Variants in FAM178B observed in about 807,000 individuals in gnomAD.
The protein encoded by FAM178B is protein FAM178B.
Under a neutral mutation model 91.7 loss-of-function variants are expected in FAM178B, and 82 were observed. The ratio of observed to expected loss-of-function variants is 0.89; its 90% CI spans 0.75 to 1.07. The LOEUF is 1.07. Among genes scored for constraint, FAM178B ranks in the 50% least tolerant of loss-of-function variants. FAM178B has a pLI of 0.00. For missense variants in FAM178B, 769 were observed against 846.7 expected, an observed-to-expected ratio of 0.91 and a Z score of 1.14; for synonymous variants, 368 against 359.4, an observed-to-expected ratio of 1.02 and a Z score of -0.27.
At chr2:96,947,402 T>G (rs1199277525) in intron 8 of FAM178B, among the ~76,000 whole-genome samples, 1 of 152,146 alleles carries the variant, frequency 6.6e-6, no homozygotes, top group Non-Finnish European at 1.5e-5. Context: ...ACTCTTCCCT[T>G]TGGTGACTCC....
In FAM178B at chr2:96,876,181, C is replaced by A; in HGVS notation, c.*95G>T. On this transcript the variant is annotated 3_prime_UTR_variant, in exon 17 of 17. Transcript: ENST00000490605. Reference sequence around the variant, plus strand: ...CTCATCAGGCTGGTCAGCATGTGGCCTCCTCTGGCCTTGATGCTTCGCTTC... The same window carrying A: ...CTCATCAGGCTGGTCAGCATGTGGCATCCTCTGGCCTTGATGCTTCGCTTC... 3 of 1,332,722 alleles carry A rather than the reference C, an allele frequency of 2.3e-6. No individual in the cohort carries two copies. Among genetic ancestry groups the A allele is most frequent in the Non-Finnish European group, 3.2e-6 (3 of 952,038 alleles). 82.6% of individuals were successfully genotyped at this position (1,332,722 alleles called of 1,614,324 possible).
rs143992132 is a variant in FAM178B, at chr2:96,906,305, G to A, written c.1563-3598C>T. Among the ~76,000 whole-genome samples the A allele has an allele frequency of 4.5e-3, 687 of 150,998 alleles. 3 individuals carry two copies. The highest frequency in any genetic ancestry group is 0.016 in the African/African-American group (668 of 41,080). On this transcript the variant is annotated intron_variant, in intron 12 of 16. Transcript: ENST00000490605. Reference sequence around the variant, plus strand: ...CAAGCTCCGCCTCCTGGGTTCAAGCGATTCTCCTGCCTCAGCCTCCCAAGT... The same window carrying A: ...CAAGCTCCGCCTCCTGGGTTCAAGCAATTCTCCTGCCTCAGCCTCCCAAGT...
intron 14 of FAM178B, among the ~76,000 whole-genome samples, chr2:96,879,549 G>A (rs2080328546): frequency 6.6e-6 from 1 of 152,218 alleles, no homozygotes. Flanking sequence ...ACCATCAACT[G>A]ACTTCTTAAA....
rs763393928 is a variant in FAM178B, at chr2:96,964,228, A to T, written c.734+3292T>A. Among the ~76,000 whole-genome samples the T allele has an allele frequency of 1.8e-3, 244 of 139,212 alleles. 2 individuals are homozygous for T. The highest frequency in any genetic ancestry group is 3.3e-3 in the South Asian group (15 of 4,612). 91.3% of individuals were successfully genotyped at this position (139,212 alleles called of 152,430 possible). A position where few individuals can be genotyped will look rare whatever the true frequency, so the allele number is the denominator to read the frequency against. ...ATCAGAAAAACTTCAAAAAAAAAAA[A>T]GGTAAATGGCCAGCCCAGGTGTGAC... is the stretch of plus-strand genomic sequence containing the variant. On this transcript the variant is annotated intron_variant, in intron 5 of 16. Coordinates refer to ENST00000490605, the MANE Select transcript of FAM178B (RefSeq NM_001122646.3).
intron 1 of FAM178B, among the ~76,000 whole-genome samples, chr2:96,972,878 C>T (rs972862120): frequency 6.6e-6 from 1 of 151,848 alleles, no homozygotes; most frequent in Non-Finnish European, 1.5e-5. Flanking sequence ...AGTGCAGCGG[C>T]GTGATCTTGG....
At chr2:96,960,526 G>T in intron 5 of FAM178B, 86 bp from the exon 6 acceptor site, 2 of 1,411,686 alleles carry the variant, frequency 1.4e-6, no homozygotes, top group Admixed American at 2.7e-5. Flanking sequence ...AAGGATAGAG[G>T]GGGGCCACGG....
chr2:96,981,929 A>G, intron 1 of FAM178B, among the ~76,000 whole-genome samples: 1 of 151,524 alleles, frequency 6.6e-6, no homozygotes, highest in East Asian at 1.9e-4. Flanking sequence ...TTAGCTGGGC[A>G]TGGTGGTGTG....
intron 9 of FAM178B, among the ~76,000 whole-genome samples, chr2:96,928,340 T>C (rs1294004764): frequency 1.3e-5 from 2 of 152,172 alleles, no homozygotes; most frequent in East Asian, 1.9e-4. Context: ...AAGATGACGA[T>C]ATATAACACT....
intron 7 of FAM178B, among the ~76,000 whole-genome samples, chr2:96,948,320 T>C (rs907220308): frequency 9.9e-5 from 15 of 152,122 alleles, no homozygotes; most frequent in African/African-American, 3.6e-4. Flanking sequence ...AATCACAGGG[T>C]GGGCCCTCTC....
chr2:96,986,562 G>C lies in FAM178B; in HGVS notation c.-249C>G. On this transcript the variant is annotated 5_prime_UTR_variant, in exon 1 of 17. Coordinates refer to ENST00000490605, the MANE Select transcript of FAM178B (RefSeq NM_001122646.3). ...ACAGCCGCCGCCGCCGCCAGCTGGG[G>C]AGCTCGCCGGCCAAGTGCGCACCCT... 1 of 501,760 alleles carries C rather than the reference G, an allele frequency of 2.0e-6. No individual in the cohort carries two copies. The highest frequency in any genetic ancestry group is 5.5e-4 in the Middle Eastern group (1 of 1,826). The allele number at this position is 501,760 out of a possible 1,614,324, so 31.1% of individuals were successfully genotyped here. A position where few individuals can be genotyped will look rare whatever the true frequency, so the allele number is the denominator to read the frequency against.
At chr2:96,914,972 G>A (rs1236572593) in intron 12 of FAM178B, among the ~76,000 whole-genome samples, 2 of 152,060 alleles carry the variant, frequency 1.3e-5, no homozygotes, top group African/African-American at 4.8e-5. Flanking sequence ...TCACAATGAT[G>A]TGGGGCAGGG....
chr2:96,926,115 C>A (rs2081433789), intron 9 of FAM178B, among the ~76,000 whole-genome samples: 1 of 152,144 alleles, frequency 6.6e-6, no homozygotes, highest in South Asian at 2.1e-4. Flanking sequence ...ACCAGCCTGG[C>A]CAACATGGTG....
At chr2:96,881,581 C>T (rs1386150871) in intron 14 of FAM178B, among the ~76,000 whole-genome samples, 1 of 152,064 alleles carries the variant, frequency 6.6e-6, no homozygotes, top group Admixed American at 6.5e-5. Flanking sequence ...AGAACTTCCC[C>T]TCCTAGAAGG....
At chr2:96,935,813 T>G (rs1285452468) in intron 8 of FAM178B, among the ~76,000 whole-genome samples, 1 of 151,016 alleles carries the variant, frequency 6.6e-6, no homozygotes, top group African/African-American at 2.5e-5. Flanking sequence ...TTTGTACTTT[T>G]TTAGTAGACA....
rs2081566612 is a variant in FAM178B at position 96,932,996 on chromosome 2, G to C, written c.1079-3676C>G. On this transcript the variant is annotated intron_variant, in intron 8 of 16. Coordinates refer to ENST00000490605, the MANE Select transcript of FAM178B (RefSeq NM_001122646.3). ...GTGGTGGCTCACGCCTGCAATCCCA[G>C]CACTTTGGGAGGCTCAGGCGGGCAG... Among the ~76,000 whole-genome samples the C allele has an allele frequency of 2.1e-5, 3 of 143,428 alleles. No individual in the cohort carries two copies. In the Admixed American group the frequency reaches 2.1e-4, roughly 10 times the overall value. 94.1% of individuals were successfully genotyped at this position (143,428 alleles called of 152,430 possible). A position where few individuals can be genotyped will look rare whatever the true frequency, so the allele number is the denominator to read the frequency against.
intron 8 of FAM178B, among the ~76,000 whole-genome samples, chr2:96,943,094 A>G (rs2081761170): frequency 6.6e-6 from 1 of 152,220 alleles, no homozygotes; most frequent in African/African-American, 2.4e-5. Context: ...TTAGACAATG[A>G]TGTCAGTAAT....
intron 6 of FAM178B, among the ~76,000 whole-genome samples, chr2:96,959,188 G>T (rs1485213317): frequency 8.2e-6 from 1 of 122,202 alleles, no homozygotes; most frequent in Non-Finnish European, 1.6e-5. Context: ...GACAGAGCGA[G>T]ACTCAGTTTT....
chr2:96,953,156 C>T (rs1384034788), intron 6 of FAM178B, among the ~76,000 whole-genome samples: 1 of 152,214 alleles, frequency 6.6e-6, no homozygotes, highest in African/African-American at 2.4e-5. Context: ...AATAGACCTT[C>T]GTTTGTACAT....
Position 96,915,607 on chromosome 2 carries a change from G to A in FAM178B, c.1562+5558C>T, listed in dbSNP as rs527824960. On this transcript the variant is annotated intron_variant, in intron 12 of 16. Transcript: ENST00000490605. ...GCGAGGCGGGCAGATCACAAGGTCA[G>A]GAGTTCAAGACCAGCCTGCCCAACA... Among the ~76,000 whole-genome samples the A allele has an allele frequency of 7.3e-5, 11 of 151,636 alleles. No individual in the cohort carries two copies. The South Asian group carries it at 2.3e-3, about 32-fold the overall frequency.
Sources: gnomAD v4.1 joint callset for allele counts (sites outside exome capture counted in the v4.1 genomes callset) on GRCh38, gnomAD v4.1.1 for gene constraint, MANE v1.5 for transcripts, NCBI Gene and HGNC (gene_info 2026-07-23, HGNC 2026-07-21) for gene names.